IMMP2L: variants seen among roughly 807,000 people sequenced by gnomAD.
IMMP2L encodes the protein inner mitochondrial membrane peptidase subunit 2.
In IMMP2L, 18 loss-of-function variants were observed where a neutral mutation model predicts 19.3. The observed-to-expected ratio is 0.93, with a 90% CI of 0.64 to 1.38. IMMP2L has a LOEUF of 1.38. Ranked by LOEUF, IMMP2L falls within the 40% of genes most tolerant of loss-of-function variation. The pLI, the probability that IMMP2L is intolerant of heterozygous loss-of-function variation, is 0.00. For missense variants in IMMP2L, 233 were observed against 218.2 expected, an observed-to-expected ratio of 1.07 and a Z score of -0.43; for synonymous variants, 76 against 73.0, an observed-to-expected ratio of 1.04 and a Z score of -0.21.
intron 3 of IMMP2L, among the ~76,000 whole-genome samples, chr7:111,241,134 A>G (rs1223875324): frequency 1.3e-5 from 2 of 152,000 alleles, no homozygotes; most frequent in Non-Finnish European, 2.9e-5. Flanking sequence ...ATTTACGTTT[A>G]AATCTTACTT....
intron 3 of IMMP2L, among the ~76,000 whole-genome samples, chr7:111,443,795 T>G (rs1204819673): frequency 6.6e-6 from 1 of 152,134 alleles, no homozygotes; most frequent in Non-Finnish European, 1.5e-5. Context: ...TTAAACTTAG[T>G]GTATTTTCAA....
intron 3 of IMMP2L, among the ~76,000 whole-genome samples, chr7:110,990,783 A>G (rs2129559523): frequency 6.6e-6 from 1 of 152,268 alleles, no homozygotes; most frequent in East Asian, 1.9e-4. Context: ...TTTCTTACTT[A>G]AAAATCTATC....
intron 3 of IMMP2L, among the ~76,000 whole-genome samples, chr7:111,137,485 A>AT (rs1385088418): frequency 1.3e-5 from 2 of 152,156 alleles, no homozygotes; most frequent in Non-Finnish European, 1.5e-5. Flanking sequence ...TAGTAAGATC[A>AT]TTTTTTTCTA....
At chr7:111,066,071 T>C (rs1794471451) in intron 3 of IMMP2L, among the ~76,000 whole-genome samples, 1 of 150,392 alleles carries the variant, frequency 6.6e-6, no homozygotes, top group Non-Finnish European at 1.5e-5. Flanking sequence ...CTCCGCCTCC[T>C]GGGTTCAAGC....
At chr7:111,060,305 G>T (rs1298448223) in intron 3 of IMMP2L, among the ~76,000 whole-genome samples, 3 of 152,102 alleles carry the variant, frequency 2.0e-5, no homozygotes, top group Non-Finnish European at 4.4e-5. Flanking sequence ...ACTCAAGTTT[G>T]CATTCCTTTA....
Position 110,663,717 on chromosome 7 carries a change from G to C in IMMP2L, c.413C>G (p.Ser138Cys). 6.3e-7 allele frequency: 1 copy of C among 1,574,920 alleles called. No homozygotes were observed. The highest frequency in any genetic ancestry group is 8.6e-7 in the Non-Finnish European group (1 of 1,163,814). The change falls in exon 6 of 6, where the codon TCC becomes TGC. Residue 138 changes from serine to cysteine, a missense_variant. Transcript: ENST00000405709. The part of the protein sequence containing the change: ...SFDSNSFGPV[S>C]LGLLHAHATH... ...GGCATGGGCATGCAGAAGTCCTAGGGAAACCTTAATTCATGAGAAACAGAA... is the reference window on the plus strand; with the variant it reads ...GGCATGGGCATGCAGAAGTCCTAGGCAAACCTTAATTCATGAGAAACAGAA...
At chr7:111,001,362 ATATCT>A (rs1823666187) in intron 3 of IMMP2L, among the ~76,000 whole-genome samples, 1 of 152,216 alleles carries the variant, frequency 6.6e-6, no homozygotes, top group Non-Finnish European at 1.5e-5. Flanking sequence ...ACATGTTTTA[ATATCT>A]TATATTATTG....
rs1056567041 is a variant in IMMP2L at position 111,527,425 on chromosome 7, G to T, written c.-2-5976C>A. On this transcript the variant is annotated intron_variant, in intron 1 of 5. Transcript: ENST00000405709. ...AAACAAGACCCTGTCTCCAAAAAGG[G>T]GGGGGGGGTAGATTTAATATCTAAG... is the stretch of plus-strand genomic sequence containing the variant. 4.1e-3 allele frequency among the ~76,000 whole-genome samples: 607 copies of T among 146,308 alleles called. 2 individuals carry two copies. The highest frequency in any genetic ancestry group is 5.6e-3 in the Non-Finnish European group (374 of 66,196).
chr7:110,675,813 C>A lies in IMMP2L; in HGVS notation c.409-12092G>T, dbSNP rs527906512. ...ATGCAATCTATTACCCAAATTAGGA[C>A]ACTTAAGAGTGAAGGGGGTTATTAA... On this transcript the variant is annotated intron_variant, in intron 5 of 5. Coordinates refer to ENST00000405709, the MANE Select transcript of IMMP2L (RefSeq NM_032549.4). Among the ~76,000 whole-genome samples the A allele has an allele frequency of 3.3e-5, 5 of 152,220 alleles. No homozygotes were observed. In the East Asian group the frequency reaches 9.7e-4, roughly 29 times the overall value.
chr7:111,239,153 A>G (rs548630830), intron 3 of IMMP2L, among the ~76,000 whole-genome samples: 2 of 152,028 alleles, frequency 1.3e-5, no homozygotes, highest in Admixed American at 6.6e-5. Context: ...CAATTTGAAT[A>G]ATGAGTTCAA....
chr7:111,405,385 G>C (rs1397699154), intron 3 of IMMP2L, among the ~76,000 whole-genome samples: 1 of 151,558 alleles, frequency 6.6e-6, no homozygotes, highest in Non-Finnish European at 1.5e-5. Context: ...ACACATTATA[G>C]TTTAAAAATA....
rs923220643 is a variant in IMMP2L at position 111,504,286 on chromosome 7, G to C, written c.136-16945C>G. Among the ~76,000 whole-genome samples the C allele has an allele frequency of 1.6e-4, 24 of 152,222 alleles. 2 individuals are homozygous for C. Among genetic ancestry groups the C allele is most frequent in the Admixed American group, 1.1e-3 (17 of 15,290 alleles). On this transcript the variant is annotated intron_variant, in intron 2 of 5. Coordinates refer to ENST00000405709, the MANE Select transcript of IMMP2L (RefSeq NM_032549.4). ...CAAGGGATGTGAAAGACCTCTTCAA[G>C]GAGAACTACAAACCACTGCTCAATG...
intron 3 of IMMP2L, among the ~76,000 whole-genome samples, chr7:111,302,733 T>G (rs1383869262): frequency 6.6e-6 from 1 of 152,150 alleles, no homozygotes. Context: ...ATTATGACAA[T>G]TACCAAAATC....
intron 5 of IMMP2L, among the ~76,000 whole-genome samples, chr7:110,880,239 T>C (rs970750048): frequency 1.3e-5 from 2 of 152,118 alleles, no homozygotes; most frequent in African/African-American, 4.8e-5. Context: ...GGTCCATTTA[T>C]GGCTCCTTTA....
intron 5 of IMMP2L, among the ~76,000 whole-genome samples, chr7:110,794,966 G>C (rs550523182): frequency 6.6e-6 from 1 of 152,014 alleles, no homozygotes; most frequent in Non-Finnish European, 1.5e-5. Flanking sequence ...ATTGGGCCTG[G>C]TCCAGTCTTT....
intron 3 of IMMP2L, among the ~76,000 whole-genome samples, chr7:111,180,230 T>G (rs1807553836): frequency 6.6e-6 from 1 of 152,078 alleles, no homozygotes; most frequent in Admixed American, 6.6e-5. Context: ...CTTTCCTCAC[T>G]AAAATTAATC....
At chr7:111,274,157 T>C (rs1218894097) in intron 3 of IMMP2L, among the ~76,000 whole-genome samples, 1 of 152,088 alleles carries the variant, frequency 6.6e-6, no homozygotes, top group Non-Finnish European at 1.5e-5. Flanking sequence ...ATATAGTAGA[T>C]AGTTCTAAAA....
At chr7:110,801,075 T>C (rs1801205018) in intron 5 of IMMP2L, among the ~76,000 whole-genome samples, 1 of 152,122 alleles carries the variant, frequency 6.6e-6, no homozygotes, top group Admixed American at 6.6e-5. Context: ...TTTTTATACA[T>C]GGATGGCAGC....
intron 3 of IMMP2L, among the ~76,000 whole-genome samples, chr7:111,020,220 C>T (rs1826143388): frequency 1.3e-5 from 2 of 151,610 alleles, no homozygotes; most frequent in South Asian, 2.1e-4. Context: ...CTTGCCTCTA[C>T]TACAAATACA....
Sources: gnomAD v4.1 joint callset for allele counts (sites outside exome capture counted in the v4.1 genomes callset) on GRCh38, gnomAD v4.1.1 for gene constraint, MANE v1.5 for transcripts, NCBI Gene and HGNC (gene_info 2026-07-23, HGNC 2026-07-21) for gene names.